Variants in KCNQ4 observed in about 807,000 individuals in gnomAD.
KCNQ4 encodes potassium voltage-gated channel subfamily Q member 4, also known as potassium voltage-gated channel subfamily KQT member 4.
A neutral mutation model predicts 72.6 loss-of-function variants in KCNQ4; 31 were observed. That is an observed-to-expected ratio of 0.43 (90% CI 0.32 to 0.58). The LOEUF is 0.58. Among genes scored for constraint, KCNQ4 ranks in the 20% least tolerant of loss-of-function variants. KCNQ4 has a pLI of 0.08. For missense variants in KCNQ4, 869 were observed against 962.6 expected, an observed-to-expected ratio of 0.90 and a Z score of 1.29; for synonymous variants, 405 against 403.7, an observed-to-expected ratio of 1.00 and a Z score of -0.04.
intron 12 of KCNQ4, among the ~76,000 whole-genome samples, chr1:40,837,193 T>C (rs1231542942): frequency 2.0e-5 from 3 of 151,940 alleles, no homozygotes; most frequent in Admixed American, 2.0e-4. Flanking sequence ...GCTCAAGTGA[T>C]CTTCCTGCCT....
At chr1:40,813,505 C>T (rs542172616) in intron 1 of KCNQ4, among the ~76,000 whole-genome samples, 22 of 152,140 alleles carry the variant, frequency 1.4e-4, no homozygotes, top group South Asian at 1.2e-3. Context: ...GCCGTGGTGC[C>T]GTTACTGAGA....
intron 1 of KCNQ4, among the ~76,000 whole-genome samples, chr1:40,786,272 G>A (rs1222966219): frequency 6.6e-6 from 1 of 152,166 alleles, no homozygotes; most frequent in Non-Finnish European, 1.5e-5. Context: ...CTGAGGTGGG[G>A]TCCTTACCCC....
intron 12 of KCNQ4, among the ~76,000 whole-genome samples, chr1:40,835,856 C>T (rs976420036): frequency 2.0e-5 from 3 of 152,292 alleles, no homozygotes; most frequent in African/African-American, 7.2e-5. Context: ...TTGAGAGGGG[C>T]AAGTGGCTGG....
In KCNQ4 at chr1:40,784,943, T is replaced by A. The variant is rs1027339515; in HGVS notation, c.314+536T>A. 6.6e-6 allele frequency among the ~76,000 whole-genome samples: 1 copy of A among 152,190 alleles called. No individual in the cohort carries two copies. Among genetic ancestry groups the A allele is most frequent in the Non-Finnish European group, 1.5e-5 (1 of 68,024 alleles). ...GACTGTGGGTGTGTGGGGGTCCCTG[T>A]GGGCCCCCTGGGCCCTGACACTCGC... On this transcript the variant is annotated intron_variant, in intron 1 of 13. Transcript: ENST00000347132. This position sits in a 1 kb window ranked among gnomAD's most constrained non-coding sequence, Gnocchi z 4.1.
chr1:40,838,186 T>A lies in KCNQ4; in HGVS notation c.1876-125T>A, dbSNP rs996358690. The stretch of plus-strand genomic sequence containing the variant: ...CCAAGCTCCACCTTTCCAGGCGGGA[T>A]TTGTGCTTCCCAGATAAGCCCCGCC... On this transcript the variant is annotated intron_variant, in intron 13 of 13. Transcript: ENST00000347132. The A allele has an allele frequency of 3.6e-6, 3 of 833,318 alleles. No individual in the cohort carries two copies. In the Admixed American group the frequency reaches 6.0e-5, roughly 17 times the overall value. The allele number at this position is 833,318 out of a possible 1,614,324, so 51.6% of individuals were successfully genotyped here.
intron 9 of KCNQ4, chr1:40,826,519 TG>T: frequency 7.7e-6 from 3 of 389,446 alleles, no homozygotes; most frequent in South Asian, 5.4e-5. Flanking sequence ...ATGATTTAGG[TG>T]GGGGTCCTTC....
chr1:40,790,723 C>G (rs988511852), intron 1 of KCNQ4, among the ~76,000 whole-genome samples: 1 of 152,204 alleles, frequency 6.6e-6, no homozygotes, highest in African/African-American at 2.4e-5. Context: ...TACAGAGCAT[C>G]AGCTCCATAC....
intron 1 of KCNQ4, among the ~76,000 whole-genome samples, chr1:40,787,992 C>T (rs1357607181): frequency 6.6e-6 from 1 of 152,158 alleles, no homozygotes; most frequent in South Asian, 2.1e-4. Flanking sequence ...TGAAGGTTTG[C>T]GGCTCTGTAA....
chr1:40,834,955 C>T lies in KCNQ4; in HGVS notation c.1614-12C>T. Reference sequence around the variant, plus strand: ...TAACAGGACACTCCCTCTGAGCCCCCTCCCCCAACAGGATTCTCAAGTTCC... The same window carrying T: ...TAACAGGACACTCCCTCTGAGCCCCTTCCCCCAACAGGATTCTCAAGTTCC... On this transcript the variant is annotated splice_polypyrimidine_tract_variant and intron_variant, in intron 11 of 13. Transcript: ENST00000347132. The T allele has an allele frequency of 1.9e-6, 3 of 1,612,980 alleles. No homozygotes were observed. Among genetic ancestry groups the T allele is most frequent in the Non-Finnish European group, 2.5e-6 (3 of 1,179,292 alleles).
intron 1 of KCNQ4, among the ~76,000 whole-genome samples, chr1:40,806,367 C>T (rs1293064294): frequency 6.6e-6 from 1 of 152,186 alleles, no homozygotes; most frequent in Non-Finnish European, 1.5e-5. Context: ...CTGGCCAGTC[C>T]CAACAGATGG....
chr1:40,804,042 C>G (rs1215254340), intron 1 of KCNQ4, among the ~76,000 whole-genome samples: 2 of 152,182 alleles, frequency 1.3e-5, no homozygotes, highest in Non-Finnish European at 2.9e-5. Context: ...AACTCTTTCC[C>G]TTGTCTTGGA....
intron 11 of KCNQ4, among the ~76,000 whole-genome samples, chr1:40,833,481 T>C (rs966437166): frequency 6.6e-6 from 1 of 152,132 alleles, no homozygotes; most frequent in African/African-American, 2.4e-5. Flanking sequence ...ACTGGCTGTC[T>C]CCATGCCTCA....
At chr1:40,822,239 CT>C in intron 7 of KCNQ4, 74 bp from the exon 8 acceptor site, 1 of 1,267,752 alleles carries the variant, frequency 7.9e-7, no homozygotes, top group South Asian at 1.2e-5. Context: ...GGACTGGGTT[CT>C]TTCAGGGGAG....
chr1:40,831,241 A>T lies in KCNQ4; in HGVS notation c.1450A>T (p.Ser484Cys), dbSNP rs1648636859. 6.2e-7 allele frequency: 1 copy of T among 1,609,626 alleles called. No homozygotes were observed. The highest frequency in any genetic ancestry group is 8.5e-7 in the Non-Finnish European group (1 of 1,178,202). The stretch of plus-strand genomic sequence containing the variant: ...CCCCACCAAGGTGCAAAAGAGCTGG[A>T]GCTTCAATGACCGCACCCGCTTCCG... ...TSPTKVQKSW[S>C]FNDRTRFRAS... The change falls in exon 10 of 14, where the codon AGC (serine) becomes TGC (cysteine). Residue 484 changes from serine to cysteine, a missense_variant. By Grantham distance (112) the Ser-to-Cys change is moderately radical (BLOSUM62 -1). Transcript: ENST00000347132.
intron 1 of KCNQ4, among the ~76,000 whole-genome samples, chr1:40,807,810 C>T (rs1647809175): frequency 6.6e-6 from 1 of 152,128 alleles, no homozygotes; most frequent in South Asian, 2.1e-4. Context: ...CAGGGTCCTC[C>T]AGCTGAGGGG....
chr1:40,819,273 T>C, intron 4 of KCNQ4, 74 bp from the exon 5 acceptor site: 1 of 1,577,514 alleles, frequency 6.3e-7, no homozygotes, highest in African/African-American at 1.3e-5. Context: ...TTTATCCCTT[T>C]CCCGTGTGGA....
At chr1:40,806,489 C>T (rs1236035224) in intron 1 of KCNQ4, among the ~76,000 whole-genome samples, 1 of 152,194 alleles carries the variant, frequency 6.6e-6, no homozygotes, top group Non-Finnish European at 1.5e-5. Flanking sequence ...GCAGACAGAA[C>T]AAGTCGGAAG....
At chr1:40,820,394 C>G (rs553211590) in intron 7 of KCNQ4, 134 bp downstream of exon 7, 1 of 783,686 alleles carries the variant, frequency 1.3e-6, no homozygotes, top group African/African-American at 1.7e-5. Context: ...ATGTGACTTT[C>G]CTGGAGCCAC....
At chr1:40,807,662 C>T (rs1647805485) in intron 1 of KCNQ4, among the ~76,000 whole-genome samples, 1 of 152,318 alleles carries the variant, frequency 6.6e-6, no homozygotes, top group East Asian at 1.9e-4. Context: ...CAGGAAGTGC[C>T]TGTCAAGTCT....
Sources: allele counts gnomAD v4.1 joint callset (sites outside exome capture counted in the v4.1 genomes callset), GRCh38; gene constraint gnomAD v4.1.1; non-coding constraint Gnocchi (gnomAD v3.1); transcripts MANE v1.5; gene names NCBI Gene and HGNC (gene_info 2026-07-23, HGNC 2026-07-21).